The following L3MBTL4 variants were observed in gnomAD, a reference collection of about 807,000 sequenced individuals.
The protein encoded by L3MBTL4 is lethal(3)malignant brain tumor-like protein 4.
A neutral mutation model predicts 84.5 loss-of-function variants in L3MBTL4; 70 were observed. That is an observed-to-expected ratio of 0.83 (90% confidence interval 0.68 to 1.01). The LOEUF (loss-of-function observed/expected upper bound fraction) is 1.01, where lower values mean the gene tolerates loss of function less well. L3MBTL4 is among the 50% of genes least tolerant of loss of function. The pLI is 0.00. For synonymous variants in L3MBTL4, 274 were observed against 259.8 expected (o/e 1.05, Z -0.52); for missense variants, 715 against 754.8 (o/e 0.95, Z 0.62).
chr18:6,119,646 C>A (rs1464768419), intron 14 of L3MBTL4, among the ~76,000 whole-genome samples: 1 of 152,010 alleles, frequency 6.6e-6, no homozygotes, highest in Non-Finnish European at 1.5e-5. Flanking sequence ...AGTACAGAAG[C>A]CAGGCCTAAG....
chr18:6,392,632 C>T (rs760760972), intron 1 of L3MBTL4, among the ~76,000 whole-genome samples: 3 of 152,132 alleles, frequency 2.0e-5, no homozygotes, highest in East Asian at 3.8e-4. Flanking sequence ...TCACCCTATA[C>T]AAAAATCAAC....
At chr18:5,967,457 C>T (rs2052410320) in intron 17 of L3MBTL4, among the ~76,000 whole-genome samples, 1 of 152,242 alleles carries the variant, frequency 6.6e-6, no homozygotes, top group Non-Finnish European at 1.5e-5. Flanking sequence ...TTCCATGCAG[C>T]CACCTCTGTT....
intron 16 of L3MBTL4, among the ~76,000 whole-genome samples, chr18:6,061,674 T>G (rs968697727): frequency 1.3e-5 from 2 of 152,014 alleles, no homozygotes; most frequent in Non-Finnish European, 2.9e-5. Context: ...TTTGTTGCAC[T>G]TGTTCTTTCT....
Position 6,117,536 on chromosome 18 carries a change from G to A in L3MBTL4, c.1199+20658C>T, listed in dbSNP as rs1353725186. Among the ~76,000 whole-genome samples the A allele has an allele frequency of 3.3e-5, 5 of 152,196 alleles. No homozygotes were observed. In the South Asian group the frequency reaches 8.3e-4, roughly 25 times the overall value. On this transcript the variant is annotated intron_variant, in intron 14 of 18. Coordinates refer to ENST00000317931, the MANE Select transcript of L3MBTL4 (RefSeq NM_001330559.2). ...CATCCCATCTTTGGTAGGAGGGCAGGAGGATGGGAAAAGCTGTGAAACTGG... is the reference window on the plus strand; with the variant it reads ...CATCCCATCTTTGGTAGGAGGGCAGAAGGATGGGAAAAGCTGTGAAACTGG...
At chr18:6,297,593 C>A (rs1284538724) in intron 4 of L3MBTL4, among the ~76,000 whole-genome samples, 1 of 152,088 alleles carries the variant, frequency 6.6e-6, no homozygotes, top group Non-Finnish European at 1.5e-5. Flanking sequence ...AACAACACTC[C>A]CTATTTTACA....
intron 1 of L3MBTL4, among the ~76,000 whole-genome samples, chr18:6,321,004 G>A (rs977362595): frequency 1.3e-5 from 2 of 152,112 alleles, no homozygotes; most frequent in Non-Finnish European, 2.9e-5. Flanking sequence ...TTAATAAATG[G>A]TGCTGGGAAA....
intron 4 of L3MBTL4, among the ~76,000 whole-genome samples, chr18:6,274,033 C>A (rs2048980882): frequency 6.6e-6 from 1 of 152,176 alleles, no homozygotes; most frequent in Non-Finnish European, 1.5e-5. Context: ...GATTACAATG[C>A]ATGTTAAAGT....
At chr18:5,965,355 A>G (rs1378548275) in intron 17 of L3MBTL4, among the ~76,000 whole-genome samples, 1 of 152,214 alleles carries the variant, frequency 6.6e-6, no homozygotes, top group African/African-American at 2.4e-5. Context: ...CCAGGAAGGC[A>G]GATAAAGAGG....
At chr18:6,317,290 T>C (rs1272651840) in intron 1 of L3MBTL4, among the ~76,000 whole-genome samples, 1 of 151,828 alleles carries the variant, frequency 6.6e-6, no homozygotes, top group African/African-American at 2.4e-5. Context: ...ATTCAAAAGG[T>C]TGATTACTAA....
chr18:6,290,414 T>A (rs1220645896), intron 4 of L3MBTL4, among the ~76,000 whole-genome samples: 2 of 152,226 alleles, frequency 1.3e-5, no homozygotes, highest in Non-Finnish European at 2.9e-5. Flanking sequence ...TTTAAAAGAA[T>A]TAAGGATGTT....
chr18:6,340,585 G>A (rs954299161), intron 1 of L3MBTL4, among the ~76,000 whole-genome samples: 1 of 152,114 alleles, frequency 6.6e-6, no homozygotes, highest in Non-Finnish European at 1.5e-5. Context: ...TGGCAAAGGG[G>A]CAGGGGCTCA....
rs761671953 is a variant in L3MBTL4, at chr18:5,960,049, T to TATATATACATATATATATACACACAC, written c.1677+44_1677+45insGTGTGTGTATATATATATGTATATAT. The TATATATACATATATATATACACACAC allele has an allele frequency of 8.5e-5, 28 of 328,782 alleles. 1 individual carries two copies. Among genetic ancestry groups the TATATATACATATATATATACACACAC allele is most frequent in the African/African-American group, 7.9e-4 (28 of 35,422 alleles). 20.4% of individuals were successfully genotyped at this position (328,782 alleles called of 1,614,324 possible). ...ACATATATATATATACACACACATATATATATATATACATATATATATATA... is the reference window on the plus strand; with the variant it reads ...ACATATATATATATACACACACATATATATATACATATATATATACACACACATATATATATACATATATATATATA... On this transcript the variant is annotated intron_variant, in intron 18 of 18. Transcript: ENST00000317931.
At chr18:6,160,242 C>T (rs1568224284) in intron 13 of L3MBTL4, among the ~76,000 whole-genome samples, 1 of 152,174 alleles carries the variant, frequency 6.6e-6, no homozygotes, top group Non-Finnish European at 1.5e-5. Flanking sequence ...AAAGAGGAGC[C>T]GGCGTTCATT....
intron 16 of L3MBTL4, among the ~76,000 whole-genome samples, chr18:6,028,704 T>G (rs944426885): frequency 1.3e-5 from 2 of 152,216 alleles, no homozygotes; most frequent in Non-Finnish European, 2.9e-5. Flanking sequence ...TGTCCTCTCT[T>G]ATTTCCTTGA....
intron 12 of L3MBTL4, among the ~76,000 whole-genome samples, chr18:6,190,712 T>C (rs908677056): frequency 1.3e-5 from 2 of 152,204 alleles, no homozygotes; most frequent in Admixed American, 6.5e-5. Context: ...AATAAGTGAA[T>C]GTTTTGCATA....
intron 13 of L3MBTL4, among the ~76,000 whole-genome samples, chr18:6,165,464 C>T (rs2145094927): frequency 6.6e-6 from 1 of 152,314 alleles, no homozygotes; most frequent in East Asian, 1.9e-4. Context: ...GGAAGCCCGT[C>T]AGACTAACAA....
intron 16 of L3MBTL4, among the ~76,000 whole-genome samples, chr18:6,063,805 T>C (rs1388253562): frequency 1.3e-5 from 2 of 152,144 alleles, no homozygotes; most frequent in Admixed American, 6.6e-5. Context: ...ACTCTGTAGG[T>C]TGTCTGTTTA....
At chr18:6,065,715 T>G (rs1271741300) in intron 16 of L3MBTL4, among the ~76,000 whole-genome samples, 1 of 152,088 alleles carries the variant, frequency 6.6e-6, no homozygotes, top group Non-Finnish European at 1.5e-5. Context: ...TCATTTCCAC[T>G]GAATAATTGA....
rs1454674706 is a variant in L3MBTL4 at position 6,049,535 on chromosome 18, G to A, written c.1444+31346C>T. Among the ~76,000 whole-genome samples, 3 of 152,200 alleles carry A rather than the reference G, an allele frequency of 2.0e-5. No homozygotes were observed. The East Asian group carries it at 5.8e-4, about 29-fold the overall frequency. On this transcript the variant is annotated intron_variant, in intron 16 of 18. Coordinates refer to ENST00000317931, the MANE Select transcript of L3MBTL4 (RefSeq NM_001330559.2). ...CATATATATCATGGAATACTATGCA[G>A]CCATAAAAAATGAAATCATATCTTT...
Sources: allele counts gnomAD v4.1 joint callset (sites outside exome capture counted in the v4.1 genomes callset), GRCh38; gene constraint gnomAD v4.1.1; transcripts MANE v1.5; gene names NCBI Gene and HGNC (gene_info 2026-07-23, HGNC 2026-07-21).